GLRA2: variants seen among roughly 807,000 people sequenced by gnomAD.
GLRA2 encodes the protein glycine receptor alpha 2.
Under a neutral mutation model 31.6 loss-of-function variants are expected in GLRA2, and 11 were observed. The ratio of observed to expected loss-of-function variants is 0.35; its 90% CI spans 0.22 to 0.58. The LOEUF (loss-of-function observed/expected upper bound fraction) is 0.58, where lower values mean the gene tolerates loss of function less well. Ranked by LOEUF, GLRA2 falls within the 20% of genes least tolerant of loss-of-function variation. GLRA2 has a pLI of 0.84. For missense variants in GLRA2, 212 were observed against 351.8 expected (o/e 0.60, Z 3.18); for synonymous variants, 132 against 134.0 (o/e 0.99, Z 0.10).
At chrX:14,482,718 GA>G in the GLRA2 span, among the ~76,000 whole-genome samples, 1 of 110,517 alleles carries the variant, frequency 9.0e-6, no homozygotes, top group African/African-American at 3.3e-5. Context: ...CATCAGCAAA[GA>G]TTTTTTTTAA....
At chrX:14,470,201 C>T in the GLRA2 span, among the ~76,000 whole-genome samples, 190 of 111,532 alleles carry the variant, frequency 1.7e-3, no homozygotes, top group African/African-American at 6.0e-3. Context: ...CTTTCAAATA[C>T]AAAAGTTTTC....
intron 4 of GLRA2, among the ~76,000 whole-genome samples, chrX:14,584,093 A>G (rs772398521): frequency 2.7e-5 from 3 of 110,921 alleles, no homozygotes; most frequent in Non-Finnish European, 5.7e-5. Context: ...AAACTGCCTT[A>G]TAGGGTACTA....
intron 2 of GLRA2, among the ~76,000 whole-genome samples, chrX:14,538,843 A>G (rs1011384346): frequency 8.1e-5 from 9 of 111,585 alleles, no homozygotes; most frequent in Non-Finnish European, 1.5e-4. Context: ...ATGATTTCCT[A>G]TTTTAGAATT....
intron 7 of GLRA2, among the ~76,000 whole-genome samples, chrX:14,615,919 A>T (rs1357202620): frequency 9.0e-6 from 1 of 111,564 alleles, no homozygotes; most frequent in South Asian, 3.8e-4. Context: ...AAATACAGGA[A>T]AATCAAATAC....
intron 4 of GLRA2, among the ~76,000 whole-genome samples, chrX:14,598,551 G>C (rs1274355067): frequency 8.9e-6 from 1 of 112,341 alleles, no homozygotes; most frequent in Non-Finnish European, 1.9e-5. Flanking sequence ...CAGGCTTCCT[G>C]GCATTCCTTT....
chrX:14,724,652 A>AC (rs2091909805), intron 8 of GLRA2, among the ~76,000 whole-genome samples: 1 of 100,229 alleles, frequency 1.0e-5, no homozygotes, highest in African/African-American at 3.8e-5. Flanking sequence ...AAAAAAAAAA[A>AC]CAAGAAGAAG....
the GLRA2 span, among the ~76,000 whole-genome samples, chrX:14,487,412 A>AG: frequency 1.5e-3 from 159 of 107,231 alleles, 1 homozygote; most frequent in Non-Finnish European, 2.1e-3. Context: ...AAAAAAAAAA[A>AG]AAAGGTTTCC....
the GLRA2 span, among the ~76,000 whole-genome samples, chrX:14,487,331 T>C: frequency 9.8e-6 from 1 of 101,636 alleles, no homozygotes; most frequent in Non-Finnish European, 2.0e-5. Context: ...TCCCTAGAGT[T>C]AGATATTGTT....
Position 14,616,922 on chromosome X carries a change from G to A in GLRA2, c.930+7717G>A, listed in dbSNP as rs190031363. The stretch of plus-strand genomic sequence containing the variant: ...GGAGACTTCATAAACTTTCCCTCCC[G>A]ACATTTCCCAAGCCACAGCAAATTG... On this transcript the variant is annotated intron_variant, in intron 7 of 8. Transcript: ENST00000218075. Among the ~76,000 whole-genome samples, 7 of 111,691 alleles carry A rather than the reference G, an allele frequency of 6.3e-5. No individual in the cohort carries two copies. The East Asian group carries it at 1.7e-3, about 27-fold the overall frequency.
intron 7 of GLRA2, among the ~76,000 whole-genome samples, chrX:14,637,813 G>T (rs2090726401): frequency 9.0e-6 from 1 of 111,067 alleles, no homozygotes; most frequent in African/African-American, 3.3e-5. Flanking sequence ...TTCATATAAG[G>T]GATACATTTA....
intron 8 of GLRA2, among the ~76,000 whole-genome samples, chrX:14,693,218 A>C (rs1017351745): frequency 7.1e-5 from 8 of 111,934 alleles, no homozygotes; most frequent in African/African-American, 2.3e-4. Context: ...ACTCAACTTT[A>C]GTCAGCCTCC....
intron 6 of GLRA2, among the ~76,000 whole-genome samples, chrX:14,608,098 A>C (rs2090356852): frequency 9.0e-6 from 1 of 111,622 alleles, no homozygotes; most frequent in Admixed American, 9.5e-5. Flanking sequence ...AGTGATACTT[A>C]TGAAGTAACC....
chrX:14,719,352 C>T (rs2091835210), intron 8 of GLRA2, among the ~76,000 whole-genome samples: 1 of 111,358 alleles, frequency 9.0e-6, no homozygotes. Context: ...AACAACTCAA[C>T]AGCAAAAAAT....
intron 7 of GLRA2, among the ~76,000 whole-genome samples, chrX:14,663,728 T>C (rs1273598017): frequency 2.7e-5 from 3 of 111,885 alleles, no homozygotes; most frequent in Non-Finnish European, 3.8e-5. Flanking sequence ...AGAAAAATCA[T>C]ATGGCTAAAT....
At chrX:14,489,610 G>C in the GLRA2 span, among the ~76,000 whole-genome samples, 1 of 112,142 alleles carries the variant, frequency 8.9e-6, no homozygotes, top group African/African-American at 3.2e-5. Context: ...CAGAGAAAGC[G>C]ATGCGGACTT....
At chrX:14,592,946 A>T (rs774764041) in intron 4 of GLRA2, among the ~76,000 whole-genome samples, 6 of 112,233 alleles carry the variant, frequency 5.3e-5, no homozygotes, top group Non-Finnish European at 9.4e-5. Context: ...TTGAAGAGCT[A>T]GTCTGCTATT....
At chrX:14,605,054 G>T (rs2090319499) in intron 5 of GLRA2, among the ~76,000 whole-genome samples, 1 of 111,328 alleles carries the variant, frequency 9.0e-6, no homozygotes, top group African/African-American at 3.3e-5. Context: ...TAAAGTCTTT[G>T]ATATGTGTCA....
At chrX:14,462,268 G>C in the GLRA2 span, among the ~76,000 whole-genome samples, 1 of 111,227 alleles carries the variant, frequency 9.0e-6, no homozygotes, top group Non-Finnish European at 1.9e-5. Context: ...TTTCTCTCTG[G>C]CTGCCCTTAA....
At chrX:14,587,051 C>A (rs898536219) in intron 4 of GLRA2, among the ~76,000 whole-genome samples, 5 of 111,920 alleles carry the variant, frequency 4.5e-5, no homozygotes, top group Non-Finnish European at 9.4e-5. Flanking sequence ...TTCCTACCCC[C>A]ACATTAATTC....
Sources: allele counts gnomAD v4.1 joint callset (sites outside exome capture counted in the v4.1 genomes callset), GRCh38; gene constraint gnomAD v4.1.1; transcripts MANE v1.5; gene names NCBI Gene and HGNC (gene_info 2026-07-23, HGNC 2026-07-21).